Variants in DNAH3 observed in about 807,000 individuals in gnomAD.
DNAH3 encodes axonemal beta dynein heavy chain 3.
In DNAH3, 332 loss-of-function variants were observed where a neutral mutation model predicts 432.5. The observed-to-expected ratio is 0.77, with a 90% CI of 0.70 to 0.84. DNAH3 has a LOEUF of 0.84. Ranked by LOEUF, DNAH3 falls within the 40% of genes least tolerant of loss-of-function variation. DNAH3 has a pLI of 0.00. For missense variants in DNAH3, 4,861 were observed against 5,114.0 expected (o/e 0.95, Z 1.51); for synonymous variants, 1,956 against 1,900.2 (o/e 1.03, Z -0.76).
Position 21,117,273 on chromosome 16 carries a change from C to A in DNAH3, c.1744G>T (p.Glu582Ter). The change falls in exon 12 of 62, where the codon GAA becomes TAA. Residue 582 changes from glutamate (E) to a stop codon, truncating the protein, a stop_gained. Coordinates refer to ENST00000261383, the Ensembl canonical transcript of DNAH3. LOFTEE classifies it high-confidence loss of function. ...ATCAAAAAATCAGAAACAAGTTTTTCTTCTGCGTTAACAGTTCCAAGGAGC... is the reference window on the plus strand; with the variant it reads ...ATCAAAAAATCAGAAACAAGTTTTTATTCTGCGTTAACAGTTCCAAGGAGC... 6.2e-7 allele frequency: 1 copy of A among 1,611,558 alleles called. No individual in the cohort carries two copies. Among genetic ancestry groups the A allele is most frequent in the South Asian group, 1.1e-5 (1 of 90,136 alleles).
chr16:20,987,934 CCT>C lies in DNAH3; in HGVS notation c.6725+6_6725+7del, dbSNP rs2086287095. 1.2e-6 allele frequency: 2 copies of C among 1,614,142 alleles called. No individual in the cohort carries two copies. The highest frequency in any genetic ancestry group is 1.7e-5 in the Admixed American group (1 of 60,012). On this transcript the variant is annotated splice_donor_region_variant and intron_variant, in intron 45 of 61. Transcript: ENST00000261383. ...CCCACTATCCAGGAAGACAGAGAAA[CCT>C]CTTACCTTAAAAACATCACATCAAA...
At chr16:21,125,109 T>G in intron 9 of DNAH3, 66 bp downstream of exon 10, 1 of 1,381,874 alleles carries the variant, frequency 7.2e-7, no homozygotes, top group Non-Finnish European at 9.9e-7. Context: ...CATGACAGAG[T>G]CCTGGCTCTA....
rs1393049917 is a variant in DNAH3 at position 21,060,479 on chromosome 16, C to CAAGTCAAT, written c.3721-131_3721-124dup. 1.5e-5 allele frequency: 9 copies of CAAGTCAAT among 586,822 alleles called. No individual in the cohort carries two copies. In the East Asian group the frequency reaches 3.2e-4, roughly 21 times the overall value. The allele number at this position is 586,822 out of a possible 1,614,324, so 36.4% of individuals were successfully genotyped here. A position where few individuals can be genotyped will look rare whatever the true frequency, so the allele number is the denominator to read the frequency against. ...GGATGCCAAAGGCTTGGCACCTTTT[C>CAAGTCAAT]AAGTCAATATTCTCTGTCTCCCCGT... On this transcript the variant is annotated intron_variant, in intron 25 of 61. Transcript: ENST00000261383.
intron 39 of DNAH3, among the ~76,000 whole-genome samples, chr16:21,023,320 G>A (rs960555626): frequency 2.0e-5 from 3 of 152,114 alleles, no homozygotes; most frequent in African/African-American, 7.2e-5. Flanking sequence ...CCTCATGGAG[G>A]GTCAGGGAAG....
chr16:21,080,839 T>A (rs1452628048), intron 20 of DNAH3, among the ~76,000 whole-genome samples: 1 of 152,114 alleles, frequency 6.6e-6, no homozygotes, highest in Non-Finnish European at 1.5e-5. Context: ...AGAGGTAGCA[T>A]CCAAATGGTA....
intron 1 of DNAH3, among the ~76,000 whole-genome samples, chr16:21,147,218 T>C (rs2092796927): frequency 6.6e-6 from 1 of 150,556 alleles, no homozygotes; most frequent in African/African-American, 2.5e-5. Context: ...AAACATTGAC[T>C]CTTGCATTTT....
chr16:20,974,333 T>TG (rs919893630), intron 51 of DNAH3, among the ~76,000 whole-genome samples: 3 of 152,046 alleles, frequency 2.0e-5, no homozygotes, highest in Admixed American at 6.6e-5. Context: ...CCACTGCCCC[T>TG]GGCCACTTTG....
At chr16:21,067,758 G>GC (rs1491349300) in intron 23 of DNAH3, among the ~76,000 whole-genome samples, 6 of 25,508 alleles carry the variant, frequency 2.4e-4, no homozygotes, top group African/African-American at 7.4e-4. Flanking sequence ...AGCCAGTCTT[G>GC]GGGGGGGGGG....
intron 7 of DNAH3, among the ~76,000 whole-genome samples, chr16:21,128,904 C>G (rs2092499786): frequency 6.6e-6 from 1 of 151,118 alleles, no homozygotes; most frequent in Non-Finnish European, 1.5e-5. Context: ...GCCAAAAAAG[C>G]CTCTTTAAGC....
chr16:20,959,357 G>C lies in DNAH3; in HGVS notation c.10648C>G (p.Gln3550Glu), dbSNP rs892330980. ...TGGCCTTGGCCAAGGGAGATGGTCT[G>C]TGTTCTGGTACCTCCCATACCAAGA... The change falls in exon 54 of 62, where the codon CAG becomes GAG. Residue 3550 changes from glutamine (Q) to glutamate (E), a missense_variant. Gln to Glu is a conservative substitution (Grantham distance 29). Transcript: ENST00000261383. 1.2e-5 allele frequency: 20 copies of C among 1,614,208 alleles called. No individual in the cohort carries two copies. The East Asian group carries it at 4.5e-4, about 36-fold the overall frequency.
chr16:20,946,051 G>A (rs766181422), intron 57 of DNAH3, among the ~76,000 whole-genome samples: 3 of 152,234 alleles, frequency 2.0e-5, no homozygotes, highest in East Asian at 3.9e-4. Context: ...CTCCTTGTCC[G>A]GGGCACTCTA....
intron 31 of DNAH3, among the ~76,000 whole-genome samples, chr16:21,047,517 T>C (rs1341311625): frequency 6.6e-6 from 1 of 152,150 alleles, no homozygotes; most frequent in Admixed American, 6.5e-5. Context: ...GCCTTGGTTT[T>C]CAGCTCCATC....
At chr16:20,996,647 T>C (rs1479829330) in intron 44 of DNAH3, among the ~76,000 whole-genome samples, 5 of 152,038 alleles carry the variant, frequency 3.3e-5, no homozygotes. Context: ...TTAGTAGAGA[T>C]AGGGTTTTGC....
At chr16:21,154,704 G>A (rs2092887294) in intron 1 of DNAH3, among the ~76,000 whole-genome samples, 1 of 152,174 alleles carries the variant, frequency 6.6e-6, no homozygotes, top group Non-Finnish European at 1.5e-5. Flanking sequence ...CCTGCCCATA[G>A]TCACACAGCT....
chr16:21,112,662 G>A (rs1196873957), intron 12 of DNAH3, among the ~76,000 whole-genome samples: 1 of 152,100 alleles, frequency 6.6e-6, no homozygotes, highest in Non-Finnish European at 1.5e-5. Context: ...AATTCAAATT[G>A]AGATTTGGTG....
chr16:21,094,156 C>T (rs914798447), intron 18 of DNAH3, among the ~76,000 whole-genome samples: 1 of 152,066 alleles, frequency 6.6e-6, no homozygotes, highest in African/African-American at 2.4e-5. Context: ...TTGTAAATCA[C>T]ATAATCTCAC....
chr16:20,984,938 G>A (rs779647410), intron 48 of DNAH3, 111 bp downstream of exon 48: 83 of 952,996 alleles, frequency 8.7e-5, no homozygotes, highest in East Asian at 2.7e-4. Flanking sequence ...GAGCTGGTGC[G>A]TTGGCTGAAT....
Position 21,147,814 on chromosome 16 carries a change from ATG to A in DNAH3, c.118-1728_118-1727del, listed in dbSNP as rs2092804553. On this transcript the variant is annotated intron_variant, in intron 1 of 61. Coordinates refer to ENST00000261383, the Ensembl canonical transcript of DNAH3. ...TGACTACATTATTGAATGAAATCAC[ATG>A]TGTTTTTGTCTTAAGACTTAGCCCC... 2.0e-5 allele frequency among the ~76,000 whole-genome samples: 3 copies of A among 152,326 alleles called. No homozygotes were observed. In the South Asian group the frequency reaches 6.2e-4, roughly 32 times the overall value.
intron 30 of DNAH3, 56 bp downstream of exon 30, chr16:21,049,854 G>A: frequency 6.8e-7 from 1 of 1,466,934 alleles, no homozygotes; most frequent in Non-Finnish European, 9.5e-7. Context: ...ACTTCCCACA[G>A]GAGGGGTGCA....
Sources: gnomAD v4.1 joint callset for allele counts (sites outside exome capture counted in the v4.1 genomes callset) on GRCh38, gnomAD v4.1.1 for gene constraint, MANE v1.5 for transcripts, NCBI Gene and HGNC (gene_info 2026-07-23, HGNC 2026-07-21) for gene names.